AKAP13: variants seen among roughly 807,000 people sequenced by gnomAD.
The protein encoded by AKAP13 is A-kinase anchor protein 13.
Under a neutral mutation model 264.5 loss-of-function variants are expected in AKAP13, and 80 were observed. The observed-to-expected ratio is 0.30, with a 90% CI of 0.25 to 0.36. AKAP13 has a LOEUF of 0.36. AKAP13 is among the 10% of genes least tolerant of loss of function. AKAP13 has a pLI of 1.00. For missense variants in AKAP13, 3,712 were observed against 3,435.2 expected, an observed-to-expected ratio of 1.08 and a Z score of -2.01; for synonymous variants, 1,380 against 1,250.2, an observed-to-expected ratio of 1.10 and a Z score of -2.19.
intron 8 of AKAP13, among the ~76,000 whole-genome samples, chr15:85,629,263 A>G (rs2081578948): frequency 6.6e-6 from 1 of 152,016 alleles, no homozygotes; most frequent in Admixed American, 6.6e-5. Context: ...GAACAAGAAG[A>G]GACTCTTGAG....
chr15:85,546,178 A>T (rs2077731401), intron 5 of AKAP13, among the ~76,000 whole-genome samples: 1 of 152,238 alleles, frequency 6.6e-6, no homozygotes, highest in African/African-American at 2.4e-5. Context: ...TTGCTAAAAA[A>T]GAATGTATTT....
chr15:85,600,728 G>A (rs560741716), intron 8 of AKAP13, among the ~76,000 whole-genome samples: 6 of 152,148 alleles, frequency 3.9e-5, no homozygotes, highest in Admixed American at 1.3e-4. Context: ...GCCCCAAAAA[G>A]CATTTATGTC....
At chr15:85,487,555 C>G (rs1596318727) in intron 2 of AKAP13, among the ~76,000 whole-genome samples, 3 of 152,150 alleles carry the variant, frequency 2.0e-5, no homozygotes, top group Admixed American at 2.0e-4. Context: ...ATTACATTGA[C>G]TCAATTAAAT....
At chr15:85,467,700 A>G (rs926802340) in intron 1 of AKAP13, among the ~76,000 whole-genome samples, 17 of 152,178 alleles carry the variant, frequency 1.1e-4, no homozygotes, top group African/African-American at 3.9e-4. Flanking sequence ...TTACTGTTCT[A>G]TCTGCAGTAC....
rs2087061968 is a variant in AKAP13 at position 85,718,197 on chromosome 15, C to G, written c.6001+38C>G. On this transcript the variant is annotated intron_variant, in intron 22 of 36. Transcript: ENST00000394518. This position sits in a 1 kb window ranked among gnomAD's most constrained non-coding sequence, Gnocchi z 4.9. The stretch of plus-strand genomic sequence containing the variant: ...ATTTTGCTCTGATTATATTTGATTT[C>G]CATTGTCCAGCATTTTTAAGCAGTA... The G allele has an allele frequency of 6.2e-7, 1 of 1,601,564 alleles. No individual in the cohort carries two copies. Among genetic ancestry groups the G allele is most frequent in the Non-Finnish European group, 8.5e-7 (1 of 1,171,002 alleles).
Position 85,585,684 on chromosome 15 carries a change from A to AC in AKAP13, c.4040-12dup. The AC allele has an allele frequency of 1.9e-6, 3 of 1,613,978 alleles. No homozygotes were observed. The highest frequency in any genetic ancestry group is 1.1e-5 in the South Asian group (1 of 91,070). The stretch of plus-strand genomic sequence containing the variant: ...TCAGTTTTTAAAAATGTACTCTGTA[A>AC]CCCCCCTGCACTTTCAGAAATGCCA... On this transcript the variant is annotated splice_polypyrimidine_tract_variant and intron_variant, in intron 7 of 36. Transcript: ENST00000394518.
chr15:85,447,785 T>G (rs1422751191), intron 1 of AKAP13, among the ~76,000 whole-genome samples: 1 of 152,200 alleles, frequency 6.6e-6, no homozygotes, highest in Non-Finnish European at 1.5e-5. Context: ...TGGGCATTTA[T>G]GTTGATTCCT....
intron 7 of AKAP13, among the ~76,000 whole-genome samples, chr15:85,583,449 G>A (rs1321611432): frequency 6.6e-6 from 1 of 152,166 alleles, no homozygotes; most frequent in Non-Finnish European, 1.5e-5. Flanking sequence ...TTTTATTAAT[G>A]TTTTGGATTG....
rs2074544364 is a variant in AKAP13 at position 85,462,149 on chromosome 15, T to C, written c.-11-23561T>C. On this transcript the variant is annotated intron_variant, in intron 1 of 36. Coordinates refer to ENST00000394518, the MANE Select transcript of AKAP13 (RefSeq NM_007200.5). ...GCAGTCACTGGATGAGTTTCTTGTTTTTCATGGCTTCTCACCTGATAGCAG... is the reference window on the plus strand; with the variant it reads ...GCAGTCACTGGATGAGTTTCTTGTTCTTCATGGCTTCTCACCTGATAGCAG... 2.6e-5 allele frequency among the ~76,000 whole-genome samples: 4 copies of C among 152,182 alleles called. No individual in the cohort carries two copies. The South Asian group carries it at 8.3e-4, about 32-fold the overall frequency.
At chr15:85,701,642 C>A (rs1368233025) in intron 17 of AKAP13, among the ~76,000 whole-genome samples, 1 of 115,544 alleles carries the variant, frequency 8.7e-6, no homozygotes, top group Non-Finnish European at 1.8e-5. Context: ...TGGGGTTTCA[C>A]CATATTGGCC....
intron 5 of AKAP13, among the ~76,000 whole-genome samples, chr15:85,569,993 C>T (rs1399138152): frequency 7.1e-6 from 1 of 140,080 alleles, no homozygotes; most frequent in Non-Finnish European, 1.5e-5. Flanking sequence ...AGGAGAATGG[C>T]GTGAACCTGG....
intron 2 of AKAP13, among the ~76,000 whole-genome samples, chr15:85,493,171 A>G (rs1372397350): frequency 1.3e-5 from 2 of 152,256 alleles, no homozygotes; most frequent in Non-Finnish European, 2.9e-5. Flanking sequence ...TTGTGGATAC[A>G]CATGGTTATT....
chr15:85,575,446 C>A, intron 6 of AKAP13, 117 bp downstream of exon 6: 1 of 1,066,004 alleles, frequency 9.4e-7, no homozygotes. Context: ...AAAATGCTTT[C>A]CTGGTGGGAG....
chr15:85,726,235 G>C, intron 26 of AKAP13, 175 bp from the exon 27 acceptor site: 1 of 499,104 alleles, frequency 2.0e-6, no homozygotes, highest in East Asian at 3.2e-5. Flanking sequence ...GACCAGATCT[G>C]AATCCTGGAG....
In AKAP13 at chr15:85,721,010, A is replaced by G. The variant is rs139549190; in HGVS notation, c.6253-981A>G. 3.9e-3 allele frequency among the ~76,000 whole-genome samples: 589 copies of G among 152,272 alleles called. 2 individuals are homozygous for G. The highest frequency in any genetic ancestry group is 8.2e-3 in the Admixed American group (125 of 15,302). On this transcript the variant is annotated intron_variant, in intron 23 of 36. Transcript: ENST00000394518. ...AAGTGATGACTTTTCCTCCTGAAAC[A>G]TCCCCTTGGGCATTTCCATTTCTCT...
intron 1 of AKAP13, among the ~76,000 whole-genome samples, chr15:85,382,516 A>C (rs2070335638): frequency 6.6e-6 from 1 of 152,130 alleles, no homozygotes; most frequent in African/African-American, 2.4e-5. Flanking sequence ...AGGTTGACAG[A>C]GGTTGGAAGG....
intron 1 of AKAP13, among the ~76,000 whole-genome samples, chr15:85,468,659 G>A (rs995227612): frequency 7.9e-5 from 12 of 152,148 alleles, no homozygotes; most frequent in African/African-American, 2.9e-4. Context: ...TGGATTTGTA[G>A]AATTTTGTAT....
At chr15:85,449,776 A>C (rs1327875598) in intron 1 of AKAP13, among the ~76,000 whole-genome samples, 1 of 152,158 alleles carries the variant, frequency 6.6e-6, no homozygotes, top group Admixed American at 6.5e-5. Context: ...TTACTTGATC[A>C]TGGTGGATTA....
intron 1 of AKAP13, among the ~76,000 whole-genome samples, chr15:85,382,508 G>A (rs549385199): frequency 1.3e-5 from 2 of 152,314 alleles, no homozygotes; most frequent in Admixed American, 6.5e-5. Flanking sequence ...GGGGAAGGAG[G>A]TTGACAGAGG....
Sources: gnomAD v4.1 joint callset for allele counts (sites outside exome capture counted in the v4.1 genomes callset) on GRCh38, gnomAD v4.1.1 for gene constraint, Gnocchi (gnomAD v3.1) non-coding constraint, MANE v1.5 for transcripts, NCBI Gene and HGNC (gene_info 2026-07-23, HGNC 2026-07-21) for gene names.